The following CNTNAP3B variants were observed in gnomAD, a reference collection of about 807,000 sequenced individuals.
The protein encoded by CNTNAP3B is contactin-associated protein-like 3B.
CNTNAP3B carries 25 observed loss-of-function variants against 108.9 expected under a neutral mutation model. The observed-to-expected ratio is 0.23, with a 90% CI of 0.17 to 0.32. CNTNAP3B has a LOEUF of 0.32. CNTNAP3B is among the 10% of genes least tolerant of loss of function. The pLI, the probability that CNTNAP3B is intolerant of heterozygous loss-of-function variation, is 1.00. For missense variants in CNTNAP3B, 252 were observed against 1,210.4 expected, an observed-to-expected ratio of 0.21 and a Z score of 11.75; for synonymous variants, 103 against 473.4, an observed-to-expected ratio of 0.22 and a Z score of 10.16.
intron 18 of CNTNAP3B, among the ~76,000 whole-genome samples, chr9:41,915,717 T>A (rs1353717929): frequency 6.8e-6 from 1 of 146,180 alleles, no homozygotes; most frequent in Non-Finnish European, 1.5e-5. Flanking sequence ...AATGTTTTTT[T>A]TTTTCAGCAA....
chr9:42,117,631 C>A (rs1171416057), intron 1 of CNTNAP3B, among the ~76,000 whole-genome samples: 4 of 136,436 alleles, frequency 2.9e-5, no homozygotes, highest in African/African-American at 1.2e-4. Flanking sequence ...GAAGCAAGAG[C>A]AAACACATTC....
intron 12 of CNTNAP3B, among the ~76,000 whole-genome samples, chr9:41,954,146 G>A (rs1224651525): frequency 6.6e-6 from 1 of 152,132 alleles, no homozygotes; most frequent in Non-Finnish European, 1.5e-5. Context: ...GGTGCTGTCT[G>A]GTCCTTTAAC....
intron 10 of CNTNAP3B, among the ~76,000 whole-genome samples, chr9:41,965,253 A>G (rs1392682496): frequency 1.2e-4 from 19 of 152,300 alleles, no homozygotes; most frequent in Admixed American, 1.0e-3. Context: ...TTTTTTGCAG[A>G]AAACAATAAT....
At chr9:41,918,493 A>C (rs1202114705) in intron 18 of CNTNAP3B, among the ~76,000 whole-genome samples, 1 of 145,530 alleles carries the variant, frequency 6.9e-6, no homozygotes, top group Non-Finnish European at 1.5e-5. Context: ...ATCTGTAAAT[A>C]AAAAGAAAAT....
At chr9:41,940,569 C>A (rs1824307860) in intron 13 of CNTNAP3B, among the ~76,000 whole-genome samples, 1 of 152,276 alleles carries the variant, frequency 6.6e-6, no homozygotes, top group African/African-American at 2.4e-5. Flanking sequence ...CCTGTAATCC[C>A]AGCACTTTCG....
In CNTNAP3B at chr9:42,076,876, C is replaced by T. The variant is rs747059599; in HGVS notation, c.383G>A (p.Ser128Asn). 26 of 1,539,728 alleles carry T rather than the reference C, an allele frequency of 1.7e-5. 3 individuals carry two copies. The highest frequency in any genetic ancestry group is 4.8e-5 in the East Asian group (2 of 41,710). Residue 128 changes from serine (S) to asparagine (N), a missense_variant, in exon 3 of 24, where the codon AGC becomes AAC. By Grantham distance (46) the Ser-to-Asn change is conservative (BLOSUM62 1). Coordinates refer to ENST00000377561, the MANE Select transcript of CNTNAP3B (RefSeq NM_001201380.3). ...TTGTTATTAGAAACATACCCAGATG[C>T]TTTCTTCTCGGCGATACTGCTTCCA... ...RNWKQYRREE[S>N]IWGFPGNTNA...
At chr9:41,942,284 G>C (rs1189351700) in intron 13 of CNTNAP3B, among the ~76,000 whole-genome samples, 1 of 152,260 alleles carries the variant, frequency 6.6e-6, no homozygotes, top group African/African-American at 2.4e-5. Flanking sequence ...GACCATCCTG[G>C]CTAACATGGT....
intron 1 of CNTNAP3B, among the ~76,000 whole-genome samples, chr9:42,115,874 G>A (rs1364522511): frequency 8.0e-6 from 1 of 124,548 alleles, no homozygotes; most frequent in Non-Finnish European, 1.7e-5. Flanking sequence ...TGACTTTGAC[G>A]AGTTGAGAGA....
rs1369911357 is a variant in CNTNAP3B, at chr9:41,929,392, T to C, written c.2290A>G (p.Ile764Val). Residue 764 changes from isoleucine to valine, a missense_variant, in exon 15 of 24, where the codon ATT (isoleucine) becomes GTT (valine). Coordinates refer to ENST00000377561, the MANE Select transcript of CNTNAP3B (RefSeq NM_001201380.3). Reference protein sequence around the residue: ...SQKEHLPVTQIVMTDTGQPHS... With the variant: ...SQKEHLPVTQVVMTDTGQPHS... ...GGTTGGCCTGTGTCTGTCATCACAA[T>C]CTGAGTGACTGGGAGGTGCTCCTTT... 1 of 1,542,968 alleles carries C rather than the reference T, an allele frequency of 6.5e-7. No individual in the cohort carries two copies. The highest frequency in any genetic ancestry group is 1.6e-5 in the African/African-American group (1 of 64,418).
chr9:41,943,554 G>A (rs1419435428), intron 13 of CNTNAP3B, among the ~76,000 whole-genome samples: 6 of 151,678 alleles, frequency 4.0e-5, no homozygotes, highest in Admixed American at 2.0e-4. Context: ...TGGTTTCCCC[G>A]TGGTAGCCAG....
chr9:42,111,937 C>T (rs1828200293), intron 1 of CNTNAP3B, among the ~76,000 whole-genome samples: 1 of 138,934 alleles, frequency 7.2e-6, no homozygotes, highest in Non-Finnish European at 1.5e-5. Context: ...TTGCTGAGTG[C>T]AAGTCACACA....
intron 1 of CNTNAP3B, among the ~76,000 whole-genome samples, chr9:42,107,866 C>T (rs1828112768): frequency 7.8e-6 from 1 of 127,996 alleles, no homozygotes; most frequent in Non-Finnish European, 1.6e-5. Flanking sequence ...TCCCAGCTTC[C>T]CAGGAGGCTG....
intron 15 of CNTNAP3B, among the ~76,000 whole-genome samples, chr9:41,924,519 G>T (rs2645524): frequency 6.6e-6 from 1 of 150,484 alleles, no homozygotes; most frequent in South Asian, 2.1e-4. Context: ...AAGCAGGTTC[G>T]AGCAGCAGCT....
rs1208002491 is a variant in CNTNAP3B, at chr9:42,113,508, C to T, written c.86-8769G>A. Among the ~76,000 whole-genome samples, 2 of 138,970 alleles carry T rather than the reference C, an allele frequency of 1.4e-5. 1 individual carries two copies. The highest frequency in any genetic ancestry group is 3.1e-5 in the Non-Finnish European group (2 of 64,838). 91.2% of individuals were successfully genotyped at this position (138,970 alleles called of 152,430 possible). A position where few individuals can be genotyped will look rare whatever the true frequency, so the allele number is the denominator to read the frequency against. On this transcript the variant is annotated intron_variant, in intron 1 of 23. Transcript: ENST00000377561. ...AACCAAATAACAAAATTAAGTCGTG[C>T]AGAAAGACATCAGACACGACACAGA...
chr9:42,110,083 C>T (rs1828163814), intron 1 of CNTNAP3B, among the ~76,000 whole-genome samples: 1 of 135,780 alleles, frequency 7.4e-6, no homozygotes, highest in African/African-American at 3.0e-5. Flanking sequence ...CAGACTATGA[C>T]AGAATAAATT....
At chr9:41,933,227 G>T (rs1414281840) in intron 14 of CNTNAP3B, among the ~76,000 whole-genome samples, 2 of 125,648 alleles carry the variant, frequency 1.6e-5, no homozygotes, top group Non-Finnish European at 3.4e-5. Flanking sequence ...TTTTTGTCAT[G>T]GGGGGGGCTG....
chr9:41,924,682 CACACACACAG>C (rs1219070043), intron 15 of CNTNAP3B, among the ~76,000 whole-genome samples: 1 of 147,058 alleles, frequency 6.8e-6, no homozygotes, highest in Non-Finnish European at 1.5e-5. Flanking sequence ...CACACACACA[CACACACACAG>C]TCTTAATTCC....
chr9:42,046,118 G>A (rs1308432860), intron 3 of CNTNAP3B, among the ~76,000 whole-genome samples: 1 of 124,268 alleles, frequency 8.0e-6, no homozygotes, highest in Non-Finnish European at 1.7e-5. Flanking sequence ...ACCACACAAG[G>A]ACCGGCCTGT....
intron 14 of CNTNAP3B, among the ~76,000 whole-genome samples, chr9:41,935,112 A>T (rs1824116959): frequency 6.6e-6 from 1 of 152,294 alleles, no homozygotes. Flanking sequence ...GACTTGCAGC[A>T]TAGTTCAATA....
Sources: gnomAD v4.1 joint callset for allele counts (sites outside exome capture counted in the v4.1 genomes callset) on GRCh38, gnomAD v4.1.1 for gene constraint, MANE v1.5 for transcripts, NCBI Gene and HGNC (gene_info 2026-07-23, HGNC 2026-07-21) for gene names.